The following CTNNA3 variants were observed in gnomAD, a reference collection of about 807,000 sequenced individuals.
CTNNA3 encodes the protein catenin alpha-3.
CTNNA3 carries 76 observed loss-of-function variants against 95.7 expected under a neutral mutation model. The observed-to-expected ratio is 0.79, with a 90% CI of 0.66 to 0.96. The LOEUF is 0.96. Ranked by LOEUF, CTNNA3 falls within the 40% of genes least tolerant of loss-of-function variation. CTNNA3 has a pLI of 0.00. For missense variants in CTNNA3, 1,191 were observed against 1,089.8 expected, an observed-to-expected ratio of 1.09 and a Z score of -1.31; for synonymous variants, 431 against 374.4, an observed-to-expected ratio of 1.15 and a Z score of -1.74.
chr10:66,060,755 G>A (rs560189832), intron 15 of CTNNA3, among the ~76,000 whole-genome samples: 1 of 152,102 alleles, frequency 6.6e-6, no homozygotes, highest in African/African-American at 2.4e-5. Context: ...ATTATTCTCT[G>A]AAGAGGATAA....
chr10:67,566,607 G>C (rs905193482), intron 3 of CTNNA3, among the ~76,000 whole-genome samples: 1 of 152,138 alleles, frequency 6.6e-6, no homozygotes, highest in African/African-American at 2.4e-5. Flanking sequence ...GTGGAAGTCA[G>C]TGTGGCGATT....
At chr10:67,486,017 T>C (rs1848434480) in intron 5 of CTNNA3, among the ~76,000 whole-genome samples, 1 of 152,244 alleles carries the variant, frequency 6.6e-6, no homozygotes, top group East Asian at 1.9e-4. Flanking sequence ...GTTATAAAGC[T>C]GCTAAAAAGC....
At position 66,230,620 on chromosome 10, in the gene CTNNA3, C is replaced by T. The variant is rs74141282; in HGVS notation, c.1884+49850G>A. Among the ~76,000 whole-genome samples, 556 of 152,164 alleles carry T rather than the reference C, an allele frequency of 3.7e-3. 1 individual carries two copies. The highest frequency in any genetic ancestry group is 0.013 in the African/African-American group (531 of 41,504). ...ACAGTCACGTTGCCTGTGGAGGGGTCAAGATTGCCTGTGGCGGTGACAGGC... is the reference window on the plus strand; with the variant it reads ...ACAGTCACGTTGCCTGTGGAGGGGTTAAGATTGCCTGTGGCGGTGACAGGC... On this transcript the variant is annotated intron_variant, in intron 13 of 17. Coordinates refer to ENST00000433211, the MANE Select transcript of CTNNA3 (RefSeq NM_013266.4).
intron 15 of CTNNA3, among the ~76,000 whole-genome samples, chr10:66,022,681 C>T (rs7073489): frequency 0.69 from 104,139 of 151,884 alleles, 35,821 homozygotes; most frequent in South Asian, 0.76. Flanking sequence ...AAGAGATACA[C>T]AATTGCTTAC....
intron 1 of CTNNA3, among the ~76,000 whole-genome samples, chr10:67,734,777 G>A (rs12220809): frequency 6.6e-6 from 1 of 152,154 alleles, no homozygotes; most frequent in East Asian, 1.9e-4. Context: ...GAAATAATCA[G>A]ACAAGTCTTT....
At chr10:67,206,942 C>T (rs1372081405) in intron 6 of CTNNA3, among the ~76,000 whole-genome samples, 3 of 152,042 alleles carry the variant, frequency 2.0e-5, no homozygotes, top group Non-Finnish European at 4.4e-5. Context: ...ACCAGCTAAG[C>T]CAACATGGTG....
intron 3 of CTNNA3, among the ~76,000 whole-genome samples, chr10:67,554,421 G>T (rs556238478): frequency 6.6e-6 from 1 of 152,250 alleles, no homozygotes; most frequent in African/African-American, 2.4e-5. Flanking sequence ...AGCACCTGTT[G>T]TTTCCTGACT....
At chr10:67,475,466 C>A (rs1847975970) in intron 5 of CTNNA3, among the ~76,000 whole-genome samples, 1 of 152,126 alleles carries the variant, frequency 6.6e-6, no homozygotes, top group Non-Finnish European at 1.5e-5. Flanking sequence ...TGGCTTCCTC[C>A]TTCAAAAAAC....
chr10:66,192,834 AAATT>A (rs780129373), intron 13 of CTNNA3, among the ~76,000 whole-genome samples: 9 of 152,166 alleles, frequency 5.9e-5, no homozygotes, highest in Non-Finnish European at 1.3e-4. Flanking sequence ...TATTTACTTA[AAATT>A]GTTAATCCTG....
At chr10:66,797,221 A>G (rs1046941682) in intron 7 of CTNNA3, among the ~76,000 whole-genome samples, 2 of 152,024 alleles carry the variant, frequency 1.3e-5, no homozygotes, top group East Asian at 1.9e-4. Context: ...CAGAGAGTAC[A>G]TATTTCTTAA....
intron 1 of CTNNA3, among the ~76,000 whole-genome samples, chr10:67,717,111 A>G (rs1841148755): frequency 1.3e-5 from 2 of 152,168 alleles, no homozygotes; most frequent in Admixed American, 1.3e-4. Context: ...TTGGCCAATA[A>G]ATATCTTCTT....
intron 5 of CTNNA3, among the ~76,000 whole-genome samples, chr10:67,437,047 C>A (rs1367773324): frequency 6.6e-6 from 1 of 152,214 alleles, no homozygotes; most frequent in Admixed American, 6.5e-5. Context: ...GCACAATTCA[C>A]AACTGCAAAA....
At chr10:66,433,490 G>A (rs1429594690) in intron 11 of CTNNA3, among the ~76,000 whole-genome samples, 1 of 151,992 alleles carries the variant, frequency 6.6e-6, no homozygotes, top group Non-Finnish European at 1.5e-5. Flanking sequence ...TTTTTGATGG[G>A]GTTGTTTTTC....
chr10:66,438,313 C>G (rs535082057), intron 11 of CTNNA3, among the ~76,000 whole-genome samples: 2 of 152,320 alleles, frequency 1.3e-5, no homozygotes, highest in South Asian at 4.1e-4. Context: ...CCCCTTCCCC[C>G]AGGTGCTCTG....
intron 6 of CTNNA3, among the ~76,000 whole-genome samples, chr10:67,181,551 C>G (rs1166736557): frequency 6.6e-6 from 1 of 152,058 alleles, no homozygotes; most frequent in Non-Finnish European, 1.5e-5. Flanking sequence ...TGAATCTACA[C>G]ACAAACACAC....
intron 15 of CTNNA3, among the ~76,000 whole-genome samples, chr10:65,991,584 G>C (rs144254226): frequency 1.3e-5 from 2 of 151,808 alleles, no homozygotes; most frequent in Non-Finnish European, 2.9e-5. Flanking sequence ...AAATGCTATT[G>C]ATTTTTGTAT....
chr10:66,974,387 T>G (rs1168110104), intron 7 of CTNNA3, among the ~76,000 whole-genome samples: 1 of 152,244 alleles, frequency 6.6e-6, no homozygotes, highest in Non-Finnish European at 1.5e-5. Flanking sequence ...CAGCACACTT[T>G]ACGCATTCAC....
intron 15 of CTNNA3, among the ~76,000 whole-genome samples, chr10:66,004,857 A>G (rs1035691933): frequency 6.6e-6 from 1 of 152,204 alleles, no homozygotes; most frequent in African/African-American, 2.4e-5. Flanking sequence ...TCTTCATGCA[A>G]TTCTTGCATT....
intron 7 of CTNNA3, among the ~76,000 whole-genome samples, chr10:66,939,625 G>T (rs1362024875): frequency 1.3e-5 from 2 of 152,096 alleles, no homozygotes; most frequent in Non-Finnish European, 2.9e-5. Context: ...ATTACAATTT[G>T]TAAGGTAGGG....
Sources: allele counts gnomAD v4.1 joint callset (sites outside exome capture counted in the v4.1 genomes callset), GRCh38; gene constraint gnomAD v4.1.1; transcripts MANE v1.5; gene names NCBI Gene and HGNC (gene_info 2026-07-23, HGNC 2026-07-21).